EXOC4: variants seen among roughly 807,000 people sequenced by gnomAD.
The protein encoded by EXOC4 is exocyst complex component 4, also known as SEC8-like 1.
EXOC4 carries 71 observed loss-of-function variants against 107.2 expected under a neutral mutation model. That is an observed-to-expected ratio of 0.66 (90% CI 0.55 to 0.81). The LOEUF (loss-of-function observed/expected upper bound fraction) is 0.81. EXOC4 is among the 30% of genes least tolerant of loss of function. EXOC4 has a pLI of 0.00. For synonymous variants in EXOC4, 456 were observed against 441.2 expected (o/e 1.03, Z -0.42); for missense variants, 1,108 against 1,189.6 (o/e 0.93, Z 1.01).
At chr7:133,352,046 T>G (rs763750142) in intron 5 of EXOC4, among the ~76,000 whole-genome samples, 1 of 152,062 alleles carries the variant, frequency 6.6e-6, no homozygotes, top group East Asian at 1.9e-4. Context: ...GAAGATACTT[T>G]GTGTGATACT....
chr7:133,645,847 G>A (rs1218470951), intron 10 of EXOC4, among the ~76,000 whole-genome samples: 1 of 152,194 alleles, frequency 6.6e-6, no homozygotes, highest in Non-Finnish European at 1.5e-5. Context: ...GTAAAGTTAT[G>A]TAAAGAGGAC....
intron 10 of EXOC4, among the ~76,000 whole-genome samples, chr7:133,738,132 G>A (rs768279817): frequency 4.0e-5 from 6 of 151,510 alleles, no homozygotes; most frequent in South Asian, 4.2e-4. Flanking sequence ...GACTGGTCTC[G>A]GACCCCTGAC....
In EXOC4 at chr7:134,064,758, G is replaced by C. The variant is rs1399431804; in HGVS notation, c.*230G>C. On this transcript the variant is annotated 3_prime_UTR_variant, in exon 18 of 18. Coordinates refer to ENST00000253861, the MANE Select transcript of EXOC4 (RefSeq NM_021807.4). Reference sequence around the variant, plus strand: ...CTACTTTAATGCAGTCAAATCTAACGGGACTAGGGTGGGATAGGGAGGAAG... The same window carrying C: ...CTACTTTAATGCAGTCAAATCTAACCGGACTAGGGTGGGATAGGGAGGAAG... 5 of 308,348 alleles carry C rather than the reference G, an allele frequency of 1.6e-5. No individual in the cohort carries two copies. The highest frequency in any genetic ancestry group is 1.3e-4 in the South Asian group (1 of 7,692). 19.1% of individuals were successfully genotyped at this position (308,348 alleles called of 1,614,324 possible).
intron 5 of EXOC4, among the ~76,000 whole-genome samples, chr7:133,320,671 T>C (rs887714224): frequency 1.3e-5 from 2 of 152,188 alleles, no homozygotes; most frequent in African/African-American, 2.4e-5. Flanking sequence ...CGCTGCCCAT[T>C]TTGTGACTTA....
intron 17 of EXOC4, among the ~76,000 whole-genome samples, chr7:134,027,787 C>G (rs1030830348): frequency 2.0e-5 from 3 of 152,042 alleles, no homozygotes; most frequent in African/African-American, 4.8e-5. Flanking sequence ...GCTCAGATCA[C>G]TAGATCGTAC....
intron 12 of EXOC4, among the ~76,000 whole-genome samples, chr7:133,905,358 G>T (rs962638093): frequency 1.5e-4 from 23 of 152,138 alleles, no homozygotes; most frequent in Non-Finnish European, 4.4e-5. Context: ...TCCTAAACAG[G>T]GAAATGAGGG....
intron 10 of EXOC4, among the ~76,000 whole-genome samples, chr7:133,637,294 G>A (rs1295353056): frequency 6.6e-6 from 1 of 151,962 alleles, no homozygotes; most frequent in African/African-American, 2.4e-5. Context: ...CCAGATCAAA[G>A]GCATATATAA....
chr7:133,723,322 C>T (rs561521692), intron 10 of EXOC4, among the ~76,000 whole-genome samples: 2 of 152,330 alleles, frequency 1.3e-5, no homozygotes, highest in African/African-American at 4.8e-5. Flanking sequence ...TTCACTCTTC[C>T]ACCTCCCATG....
intron 14 of EXOC4, among the ~76,000 whole-genome samples, chr7:133,982,328 A>G (rs1160963743): frequency 6.6e-6 from 1 of 152,276 alleles, no homozygotes; most frequent in Non-Finnish European, 1.5e-5. Flanking sequence ...CGAGGCGGGC[A>G]GATCACGAGG....
At chr7:133,781,390 A>G (rs907884795) in intron 10 of EXOC4, among the ~76,000 whole-genome samples, 8 of 152,234 alleles carry the variant, frequency 5.3e-5, no homozygotes, top group African/African-American at 1.9e-4. Context: ...GTCCACACTG[A>G]GGTGCCATTA....
chr7:133,981,478 A>C (rs1240175441), intron 14 of EXOC4, among the ~76,000 whole-genome samples: 1 of 152,178 alleles, frequency 6.6e-6, no homozygotes, highest in Non-Finnish European at 1.5e-5. Flanking sequence ...GAAGACATAC[A>C]TGCAGGCAAC....
chr7:133,990,247 G>A (rs1474850392), intron 14 of EXOC4, among the ~76,000 whole-genome samples: 2 of 151,132 alleles, frequency 1.3e-5, no homozygotes, highest in East Asian at 1.9e-4. Context: ...GTATTTTTGT[G>A]CCCATTAACT....
downstream of EXOC4, chr7:134,066,080 A>G (rs2346453): frequency 0.71 from 108,361 of 152,080 alleles, 38,835 homozygotes; most frequent in East Asian, 0.87. Context: ...GAATCTCTGT[A>G]GGAGACAACT....
At chr7:133,340,075 C>T (rs1426389269) in intron 5 of EXOC4, among the ~76,000 whole-genome samples, 1 of 152,148 alleles carries the variant, frequency 6.6e-6, no homozygotes, top group Non-Finnish European at 1.5e-5. Flanking sequence ...ACTGGATATC[C>T]TTGTCTTGTT....
intron 11 of EXOC4, among the ~76,000 whole-genome samples, chr7:133,869,983 T>G (rs2116389135): frequency 6.6e-6 from 1 of 152,316 alleles, no homozygotes; most frequent in East Asian, 1.9e-4. Context: ...AAATGTCAAT[T>G]AGCAGAACAT....
intron 9 of EXOC4, among the ~76,000 whole-genome samples, chr7:133,541,505 T>G (rs1800379383): frequency 6.6e-6 from 1 of 152,082 alleles, no homozygotes; most frequent in South Asian, 2.1e-4. Context: ...TTACATTACG[T>G]TATTTATTTT....
At chr7:133,721,511 A>G (rs749583302) in intron 10 of EXOC4, among the ~76,000 whole-genome samples, 1 of 152,216 alleles carries the variant, frequency 6.6e-6, no homozygotes, top group Non-Finnish European at 1.5e-5. Context: ...CACATTAGAC[A>G]TAGGCCAGTT....
rs1299899009 is a variant in EXOC4 at position 133,444,242 on chromosome 7, G to T, written c.1183-31086G>T. 2.0e-5 allele frequency among the ~76,000 whole-genome samples: 3 copies of T among 152,190 alleles called. No individual in the cohort carries two copies. The East Asian group carries it at 5.8e-4, about 29-fold the overall frequency. On this transcript the variant is annotated intron_variant, in intron 7 of 17. Coordinates refer to ENST00000253861, the MANE Select transcript of EXOC4 (RefSeq NM_021807.4). ...ATGAGAGCCAGCAGAATGGACCAAG[G>T]AGACCAGCAAATGAAGAATCAGAGC...
At position 133,886,294 on chromosome 7, in the gene EXOC4, T is replaced by G. The variant is rs531928632; in HGVS notation, c.1735-9305T>G. Among the ~76,000 whole-genome samples, 4 of 152,326 alleles carry G rather than the reference T, an allele frequency of 2.6e-5. No homozygotes were observed. The East Asian group carries it at 5.8e-4, about 22-fold the overall frequency. On this transcript the variant is annotated intron_variant, in intron 11 of 17. Transcript: ENST00000253861. ...TTGATTCAGTATTTTCCAAATTATG[T>G]GGACCGGGAGCCAATTTTCTGTAAC...
Sources: allele counts gnomAD v4.1 joint callset (sites outside exome capture counted in the v4.1 genomes callset), GRCh38; gene constraint gnomAD v4.1.1; transcripts MANE v1.5; gene names NCBI Gene and HGNC (gene_info 2026-07-23, HGNC 2026-07-21).